The following MCF2L2 variants were observed in gnomAD, a reference collection of about 807,000 sequenced individuals.
MCF2L2 encodes the protein probable guanine nucleotide exchange factor MCF2L2.
A neutral mutation model predicts 150.2 loss-of-function variants in MCF2L2; 102 were observed. The observed-to-expected ratio is 0.68, with a 90% CI of 0.58 to 0.80. The LOEUF (loss-of-function observed/expected upper bound fraction) is 0.80. Ranked by LOEUF, MCF2L2 falls within the 30% of genes least tolerant of loss-of-function variation. The pLI is 0.00. For missense variants in MCF2L2, 1,256 were observed against 1,372.8 expected, an observed-to-expected ratio of 0.91 and a Z score of 1.34; for synonymous variants, 465 against 491.3, an observed-to-expected ratio of 0.95 and a Z score of 0.71.
intron 1 of MCF2L2, among the ~76,000 whole-genome samples, chr3:183,420,753 GGA>G (rs1715840397): frequency 6.6e-6 from 1 of 152,150 alleles, no homozygotes; most frequent in African/African-American, 2.4e-5. Context: ...CAAGGCAGCA[GGA>G]GAGAGAGTGC....
intron 10 of MCF2L2, among the ~76,000 whole-genome samples, chr3:183,306,593 C>T (rs898924704): frequency 6.6e-6 from 1 of 152,182 alleles, no homozygotes; most frequent in Non-Finnish European, 1.5e-5. Context: ...CTAGAACAAA[C>T]CCACAGAGGA....
chr3:183,274,797 C>T (rs770774393), intron 15 of MCF2L2, among the ~76,000 whole-genome samples: 1 of 152,192 alleles, frequency 6.6e-6, no homozygotes, highest in Non-Finnish European at 1.5e-5. Context: ...TCCTTCCGAT[C>T]ACTTCCGCAT....
rs1257252682 is a variant in MCF2L2 at position 183,181,316 on chromosome 3, T to C, written c.3017-1157A>G. ...ATCAGTGGGGGCTGTGTGAGTAACA[T>C]GGGGGCGGGGGGGCAGCTGGGCAGC... is the stretch of plus-strand genomic sequence containing the variant. On this transcript the variant is annotated intron_variant, in intron 27 of 29. Coordinates refer to ENST00000328913, the MANE Select transcript of MCF2L2 (RefSeq NM_015078.4). This position sits in a 1 kb window ranked among gnomAD's most constrained non-coding sequence, Gnocchi z 4.3. 1.3e-5 allele frequency among the ~76,000 whole-genome samples: 2 copies of C among 150,622 alleles called. No homozygotes were observed. Among genetic ancestry groups the C allele is most frequent in the Non-Finnish European group, 2.9e-5 (2 of 67,808 alleles).
chr3:183,327,257 A>C (rs1233435900), intron 5 of MCF2L2, among the ~76,000 whole-genome samples: 4 of 152,012 alleles, frequency 2.6e-5, no homozygotes, highest in African/African-American at 9.7e-5. Flanking sequence ...CCTGGGAGGC[A>C]GAGGTTGCAG....
chr3:183,416,466 A>ATATATT (rs1365264625), intron 1 of MCF2L2, among the ~76,000 whole-genome samples: 87 of 152,264 alleles, frequency 5.7e-4, no homozygotes, highest in African/African-American at 2.1e-3. Context: ...TATATACCCA[A>ATATATT]CAGTACATTA....
chr3:183,413,028 T>C (rs926353877), intron 1 of MCF2L2, among the ~76,000 whole-genome samples: 1 of 152,214 alleles, frequency 6.6e-6, no homozygotes, highest in Non-Finnish European at 1.5e-5. Flanking sequence ...ATTATATTGA[T>C]TGATTTTTGG....
chr3:183,357,447 A>G (rs537633745), intron 3 of MCF2L2, among the ~76,000 whole-genome samples: 5 of 152,362 alleles, frequency 3.3e-5, no homozygotes, highest in South Asian at 2.1e-4. Context: ...GCAAAGATAC[A>G]GGTCAATCAT....
intron 9 of MCF2L2, among the ~76,000 whole-genome samples, chr3:183,310,267 C>A (rs749342728): frequency 6.6e-6 from 1 of 151,928 alleles, no homozygotes; most frequent in Non-Finnish European, 1.5e-5. Flanking sequence ...TTTGGGAGAC[C>A]GAGGCAGGTA....
At chr3:183,185,715 A>G (rs1014018514) in intron 27 of MCF2L2, among the ~76,000 whole-genome samples, 3 of 152,198 alleles carry the variant, frequency 2.0e-5, no homozygotes, top group African/African-American at 7.2e-5. Flanking sequence ...AAATGTTTCC[A>G]GGGGTACTAG....
chr3:183,344,436 C>T (rs148091711), intron 3 of MCF2L2, among the ~76,000 whole-genome samples: 41 of 152,198 alleles, frequency 2.7e-4, no homozygotes, highest in South Asian at 1.7e-3. Context: ...TGGCCTATAA[C>T]GCTCCATTTA....
chr3:183,366,207 T>C (rs1304863503), intron 3 of MCF2L2, among the ~76,000 whole-genome samples: 1 of 152,190 alleles, frequency 6.6e-6, no homozygotes, highest in African/African-American at 2.4e-5. Context: ...TGAGAAGGAT[T>C]AGCATTGTTA....
intron 15 of MCF2L2, among the ~76,000 whole-genome samples, chr3:183,262,070 T>A (rs1725646293): frequency 7.0e-6 from 1 of 143,244 alleles, no homozygotes; most frequent in Non-Finnish European, 1.5e-5. Context: ...GCATATATAT[T>A]ATATATATAT....
chr3:183,323,132 G>C, intron 6 of MCF2L2, 103 bp downstream of exon 6: 1 of 729,324 alleles, frequency 1.4e-6, no homozygotes, highest in Non-Finnish European at 2.3e-6. Context: ...CCAAGGTCAG[G>C]CAGTCACAGG....
intron 7 of MCF2L2, among the ~76,000 whole-genome samples, chr3:183,315,392 A>AC (rs1369041778): frequency 6.6e-6 from 1 of 152,216 alleles, no homozygotes; most frequent in Non-Finnish European, 1.5e-5. Context: ...TTAGGTCTTC[A>AC]CCATGATTTT....
chr3:183,200,625 T>G (rs1045623495), intron 25 of MCF2L2, among the ~76,000 whole-genome samples: 1 of 152,232 alleles, frequency 6.6e-6, no homozygotes, highest in African/African-American at 2.4e-5. Context: ...CTCTTTAGTT[T>G]AATTAGATCC....
intron 22 of MCF2L2, among the ~76,000 whole-genome samples, chr3:183,214,179 T>G (rs1207787309): frequency 1.3e-5 from 2 of 152,174 alleles, no homozygotes; most frequent in Non-Finnish European, 2.9e-5. Flanking sequence ...GAAATGAAAT[T>G]TAATAGGGAT....
In MCF2L2 at chr3:183,338,832, A is replaced by G. The variant is rs765465075; in HGVS notation, c.454T>C (p.Tyr152His). ...QRTFTDIGIK[Y>H]YRNEFKTKVP... ...TTCGTTTTAAACTCATTTCGATAGT[A>G]TTTAATGCCAATGTCAGTGAATGTC... The change falls in exon 5 of 30, where the codon TAC (tyrosine) becomes CAC (histidine). Residue 152 changes from tyrosine to histidine, a missense_variant. Coordinates refer to ENST00000328913, the MANE Select transcript of MCF2L2 (RefSeq NM_015078.4). The G allele has an allele frequency of 6.2e-7, 1 of 1,605,996 alleles. No homozygotes were observed. The highest frequency in any genetic ancestry group is 8.5e-7 in the Non-Finnish European group (1 of 1,174,260).
chr3:183,407,491 A>T (rs1281706554), intron 1 of MCF2L2, among the ~76,000 whole-genome samples: 1 of 152,236 alleles, frequency 6.6e-6, no homozygotes, highest in Admixed American at 6.5e-5. Flanking sequence ...ATGATATGTT[A>T]GTTTTATAAA....
At chr3:183,384,014 A>G (rs1033702986) in intron 2 of MCF2L2, among the ~76,000 whole-genome samples, 1 of 152,248 alleles carries the variant, frequency 6.6e-6, no homozygotes, top group Admixed American at 6.5e-5. Flanking sequence ...CATAACAACA[A>G]TAAGAACCAG....
Sources: gnomAD v4.1 joint callset for allele counts (sites outside exome capture counted in the v4.1 genomes callset) on GRCh38, gnomAD v4.1.1 for gene constraint, Gnocchi (gnomAD v3.1) non-coding constraint, MANE v1.5 for transcripts, NCBI Gene and HGNC (gene_info 2026-07-23, HGNC 2026-07-21) for gene names.